Variants in LINGO2 observed in about 807,000 individuals in gnomAD.
The protein encoded by LINGO2 is leucine-rich repeat and immunoglobulin-like domain-containing nogo receptor-interacting protein 2.
In LINGO2, 14 loss-of-function variants were observed where a neutral mutation model predicts 30.6. That is an observed-to-expected ratio of 0.46 (90% confidence interval 0.30 to 0.72). The LOEUF is 0.72. Ranked by LOEUF, LINGO2 falls within the 30% of genes least tolerant of loss-of-function variation. The pLI is 0.07. For synonymous variants in LINGO2, 317 were observed against 288.5 expected (o/e 1.10, Z -1.00); for missense variants, 729 against 751.7 (o/e 0.97, Z 0.35).
At chr9:28,782,211 T>C in the LINGO2 span, among the ~76,000 whole-genome samples, 1 of 152,180 alleles carries the variant, frequency 6.6e-6, no homozygotes, top group Non-Finnish European at 1.5e-5. Flanking sequence ...AAGTGACTCT[T>C]CAATGGAGTC....
chr9:27,946,161 G>A (rs1263368641), downstream of LINGO2, among the ~76,000 whole-genome samples: 1 of 152,024 alleles, frequency 6.6e-6, no homozygotes, highest in Middle Eastern at 3.2e-3. Context: ...AATTAGTGAA[G>A]CCTGAAGATA....
chr9:28,053,934 CAG>C (rs1824796359), intron 4 of LINGO2, among the ~76,000 whole-genome samples: 2 of 151,870 alleles, frequency 1.3e-5, no homozygotes, highest in African/African-American at 4.8e-5. Context: ...AACTGAGTAA[CAG>C]ATATGGGGTA....
chr9:28,244,520 G>T (rs772865582), intron 4 of LINGO2, among the ~76,000 whole-genome samples: 5 of 151,794 alleles, frequency 3.3e-5, no homozygotes, highest in Non-Finnish European at 7.4e-5. Flanking sequence ...TCCAGGAGCT[G>T]GTTTATTGAA....
chr9:28,505,645 T>C (rs1820078585), intron 1 of LINGO2, among the ~76,000 whole-genome samples: 2 of 151,882 alleles, frequency 1.3e-5, no homozygotes, highest in African/African-American at 4.8e-5. Context: ...TTACAAACAA[T>C]AAATAGTGCA....
chr9:28,675,905 G>GTGTATATA, the LINGO2 span, among the ~76,000 whole-genome samples: 2 of 126,064 alleles, frequency 1.6e-5, no homozygotes, highest in South Asian at 5.2e-4. Context: ...GTGTGTGTAT[G>GTGTATATA]TATATATATA....
At chr9:28,666,913 A>G (rs970314703) in intron 1 of LINGO2, among the ~76,000 whole-genome samples, 1 of 152,192 alleles carries the variant, frequency 6.6e-6, no homozygotes, top group African/African-American at 2.4e-5. Flanking sequence ...CAACAATTAT[A>G]GCATTTTTTA....
the LINGO2 span, among the ~76,000 whole-genome samples, chr9:28,790,685 A>G: frequency 1.3e-5 from 2 of 152,060 alleles, no homozygotes; most frequent in African/African-American, 2.4e-5. Flanking sequence ...CACAAGAAGA[A>G]GAGTGAATAC....
rs188128754 is a variant in LINGO2, at chr9:28,383,342, T to C, written c.-278-10474A>G. On this transcript the variant is annotated intron_variant, in intron 2 of 5. Transcript: ENST00000379992. ...CTTGTATATCTGTATATAGTCCCTC[T>C]CTATCTGGAATACTTTCTCCTCTGT... Among the ~76,000 whole-genome samples the C allele has an allele frequency of 1.1e-3, 160 of 151,702 alleles. 2 individuals are homozygous for C. In the East Asian group the frequency reaches 0.03, roughly 29 times the overall value.
the LINGO2 span, among the ~76,000 whole-genome samples, chr9:28,762,239 A>G: frequency 2.6e-5 from 4 of 152,000 alleles, no homozygotes; most frequent in African/African-American, 9.7e-5. Flanking sequence ...ACTATAGCCA[A>G]TATAAGAGGC....
chr9:28,842,037 T>C, the LINGO2 span, among the ~76,000 whole-genome samples: 53 of 151,928 alleles, frequency 3.5e-4, no homozygotes, highest in South Asian at 0.011. Context: ...GGACACTTCT[T>C]GTAGGCACTC....
At chr9:28,426,666 C>G (rs1383976967) in intron 2 of LINGO2, among the ~76,000 whole-genome samples, 1 of 152,038 alleles carries the variant, frequency 6.6e-6, no homozygotes, top group East Asian at 1.9e-4. Context: ...GAGGTTGCCC[C>G]TGAGGTGCAC....
chr9:29,141,015 GTT>G, the LINGO2 span, among the ~76,000 whole-genome samples: 1 of 152,028 alleles, frequency 6.6e-6, no homozygotes, highest in African/African-American at 2.4e-5. Flanking sequence ...ATCACCACTG[GTT>G]TTGCCTTACA....
At chr9:28,993,981 C>T in the LINGO2 span, among the ~76,000 whole-genome samples, 2 of 151,364 alleles carry the variant, frequency 1.3e-5, no homozygotes, top group Non-Finnish European at 1.5e-5. Flanking sequence ...CCTCTCTCAC[C>T]ACTCCTATTC....
the LINGO2 span, among the ~76,000 whole-genome samples, chr9:29,163,300 A>T: frequency 3.3e-5 from 5 of 152,144 alleles, no homozygotes; most frequent in East Asian, 1.9e-4. Context: ...TTTACAGAAA[A>T]GTTCTAATTC....
intron 4 of LINGO2, among the ~76,000 whole-genome samples, chr9:28,095,588 A>G (rs1448662614): frequency 6.6e-6 from 1 of 151,984 alleles, no homozygotes; most frequent in East Asian, 1.9e-4. Context: ...TAAACATTAG[A>G]CCTAAAACCA....
chr9:28,341,748 T>A (rs1825773719), intron 3 of LINGO2, among the ~76,000 whole-genome samples: 1 of 152,194 alleles, frequency 6.6e-6, no homozygotes, highest in African/African-American at 2.4e-5. Flanking sequence ...ACACAGTAGA[T>A]AAGTATCCTA....
chr9:29,016,515 TA>T, the LINGO2 span, among the ~76,000 whole-genome samples: 1 of 152,082 alleles, frequency 6.6e-6, no homozygotes, highest in East Asian at 1.9e-4. Flanking sequence ...ATAAAAGACA[TA>T]AACTAACAAA....
chr9:28,749,992 G>C, the LINGO2 span, among the ~76,000 whole-genome samples: 1 of 152,060 alleles, frequency 6.6e-6, no homozygotes, highest in African/African-American at 2.4e-5. Context: ...ATAAAGAAAA[G>C]GGAAAGCAGC....
At position 28,563,004 on chromosome 9, in the gene LINGO2, G is replaced by A. The variant is rs181437714; in HGVS notation, c.-364-86979C>T. 2.0e-3 allele frequency among the ~76,000 whole-genome samples: 305 copies of A among 151,998 alleles called. 2 individuals carry two copies. Among genetic ancestry groups the A allele is most frequent in the African/African-American group, 6.6e-3 (274 of 41,490 alleles). ...GGGGACAACAGGCGCATGCGACCACGCCCTGCTAATTTTTGTATTTTTAGT... is the reference window on the plus strand; with the variant it reads ...GGGGACAACAGGCGCATGCGACCACACCCTGCTAATTTTTGTATTTTTAGT... On this transcript the variant is annotated intron_variant, in intron 1 of 5. Coordinates refer to ENST00000379992, the Ensembl canonical transcript of LINGO2.
Sources: gnomAD v4.1 joint callset for allele counts (sites outside exome capture counted in the v4.1 genomes callset) on GRCh38, gnomAD v4.1.1 for gene constraint, MANE v1.5 for transcripts, NCBI Gene and HGNC (gene_info 2026-07-23, HGNC 2026-07-21) for gene names.